IGSF11: variants seen among roughly 807,000 people sequenced by gnomAD.
IGSF11 encodes the protein immunoglobulin superfamily member 11, also known as CXADR like 1.
Under a neutral mutation model 41.0 loss-of-function variants are expected in IGSF11, and 22 were observed. The observed-to-expected ratio is 0.54, with a 90% confidence interval of 0.38 to 0.77. The LOEUF is 0.77. Ranked by LOEUF, IGSF11 falls within the 30% of genes least tolerant of loss-of-function variation. The pLI is 0.00. For synonymous variants in IGSF11, 219 were observed against 201.3 expected (o/e 1.09, Z -0.74); for missense variants, 444 against 530.8 (o/e 0.84, Z 1.61).
chr3:119,107,855 C>T (rs1449981899), upstream of IGSF11, among the ~76,000 whole-genome samples: 2,767 of 148,178 alleles, frequency 0.019, 62 homozygotes, highest in African/African-American at 0.065. Flanking sequence ...ATCCTTTCCC[C>T]ATTGCTTGTT....
chr3:119,035,047 C>G (rs1392947428), upstream of IGSF11: 1 of 156,014 alleles, frequency 6.4e-6, no homozygotes, highest in African/African-American at 2.4e-5. Flanking sequence ...ACCTGTGCAC[C>G]GCGCCGCCCG....
At chr3:118,928,448 T>A in intron 3 of IGSF11, 61 bp downstream of exon 3, 3 of 1,321,794 alleles carry the variant, frequency 2.3e-6, no homozygotes. Context: ...CAGAAGCAAG[T>A]ATGCTTGAGA....
intron 1 of IGSF11, among the ~76,000 whole-genome samples, chr3:119,045,211 T>A (rs956529633): frequency 2.6e-5 from 4 of 152,186 alleles, no homozygotes. Flanking sequence ...ATGGGTGATT[T>A]CTGCATTTCC....
chr3:118,977,646 T>C (rs1003291885), intron 1 of IGSF11, among the ~76,000 whole-genome samples: 34 of 152,144 alleles, frequency 2.2e-4, no homozygotes, highest in Admixed American at 2.0e-4. Flanking sequence ...AACTCCCCAG[T>C]GTGGAGAACG....
At chr3:119,055,959 C>T (rs1190204774) in intron 1 of IGSF11, among the ~76,000 whole-genome samples, 1 of 152,162 alleles carries the variant, frequency 6.6e-6, no homozygotes, top group Admixed American at 6.5e-5. Context: ...ATCTCTGGGA[C>T]ACGTTCAAAG....
At chr3:118,932,914 G>C (rs1394416055) in intron 1 of IGSF11, among the ~76,000 whole-genome samples, 1 of 152,146 alleles carries the variant, frequency 6.6e-6, no homozygotes, top group Non-Finnish European at 1.5e-5. Context: ...AACAATCTTT[G>C]ATACAAATTT....
intron 1 of IGSF11, among the ~76,000 whole-genome samples, chr3:119,135,902 T>C (rs545115130): frequency 8.1e-4 from 123 of 152,350 alleles, no homozygotes; most frequent in African/African-American, 2.8e-3. Context: ...AATGAGTTCA[T>C]GTCCTTTGCA....
At chr3:118,980,941 G>C (rs1934650620) in intron 1 of IGSF11, among the ~76,000 whole-genome samples, 2 of 152,116 alleles carry the variant, frequency 1.3e-5, no homozygotes, top group African/African-American at 2.4e-5. Context: ...TTGTTAAGTG[G>C]TTAAAGATAC....
At chr3:118,948,573 G>C (rs1367271705) in intron 1 of IGSF11, among the ~76,000 whole-genome samples, 1 of 152,148 alleles carries the variant, frequency 6.6e-6, no homozygotes, top group East Asian at 1.9e-4. Context: ...ATTAGTGTTG[G>C]ATGTCATAGT....
At chr3:119,068,927 CTT>C (rs574659492) in intron 1 of IGSF11, among the ~76,000 whole-genome samples, 10,316 of 80,780 alleles carry the variant, frequency 0.13, 419 homozygotes, top group Middle Eastern at 0.21. Flanking sequence ...TTTTTTTTTT[CTT>C]TTTTTTTTTT....
At chr3:119,076,664 C>T (rs2076504816) in intron 1 of IGSF11, among the ~76,000 whole-genome samples, 2 of 152,166 alleles carry the variant, frequency 1.3e-5, no homozygotes, top group Non-Finnish European at 2.9e-5. Flanking sequence ...CGAAAAAATG[C>T]TCATCATCAC....
At chr3:118,939,860 CAG>C (rs1943552852) in intron 1 of IGSF11, among the ~76,000 whole-genome samples, 1 of 151,930 alleles carries the variant, frequency 6.6e-6, no homozygotes. Context: ...AGTATCAAGA[CAG>C]AGTAGAATTC....
intron 2 of IGSF11, 26 bp downstream of exon 2, chr3:118,930,086 G>A: frequency 1.9e-6 from 3 of 1,599,548 alleles, no homozygotes; most frequent in Non-Finnish European, 2.6e-6. Context: ...ACCTTTTAGA[G>A]GTAGCACAGG....
At chr3:118,925,793 A>G (rs1942235734) in intron 4 of IGSF11, 1 of 163,856 alleles carries the variant, frequency 6.1e-6, no homozygotes, top group Non-Finnish European at 1.3e-5. Flanking sequence ...ATTCTCAGAT[A>G]TAAATTTCAA....
chr3:119,008,384 A>G (rs890148242), intron 1 of IGSF11, among the ~76,000 whole-genome samples: 2 of 152,220 alleles, frequency 1.3e-5, no homozygotes, highest in Non-Finnish European at 2.9e-5. Context: ...GAAGCTTTTC[A>G]GGAAAGTCAA....
At chr3:118,918,473 C>A (rs1941407616) in intron 4 of IGSF11, among the ~76,000 whole-genome samples, 3 of 79,902 alleles carry the variant, frequency 3.8e-5, no homozygotes, top group South Asian at 6.0e-4. Flanking sequence ...AACAGACAAA[C>A]AGAGAGCCAA....
chr3:118,930,840 T>C (rs1257120578), intron 1 of IGSF11, among the ~76,000 whole-genome samples: 4 of 152,136 alleles, frequency 2.6e-5, no homozygotes, highest in Non-Finnish European at 4.4e-5. Flanking sequence ...GCTAGCCCAG[T>C]CAAAATCCCA....
chr3:118,940,809 T>C (rs1475423622), intron 1 of IGSF11, among the ~76,000 whole-genome samples: 1 of 150,884 alleles, frequency 6.6e-6, no homozygotes, highest in Non-Finnish European at 1.5e-5. Context: ...CATACATAAA[T>C]GGGCAATTGA....
chr3:118,986,137 T>G (rs1299046471), intron 1 of IGSF11, among the ~76,000 whole-genome samples: 2 of 152,106 alleles, frequency 1.3e-5, no homozygotes, highest in Non-Finnish European at 2.9e-5. Flanking sequence ...ATGTGCGCCC[T>G]CTCTTCAAGG....
Sources: gnomAD v4.1 joint callset for allele counts (sites outside exome capture counted in the v4.1 genomes callset) on GRCh38, gnomAD v4.1.1 for gene constraint, MANE v1.5 for transcripts, NCBI Gene and HGNC (gene_info 2026-07-23, HGNC 2026-07-21) for gene names.